The following GJB6 variants were observed in gnomAD, a reference collection of about 807,000 sequenced individuals.
GJB6 encodes the protein gap junction protein beta 6.
Under a neutral mutation model 5.4 loss-of-function variants are expected in GJB6, and 5 were observed. That is an observed-to-expected ratio of 0.92 (90% confidence interval 0.48 to 1.93). The LOEUF is 1.93. Among genes scored for constraint, GJB6 ranks in the 30% most tolerant of loss-of-function variants. GJB6 has a pLI of 0.01. For missense variants in GJB6, 298 were observed against 326.9 expected (o/e 0.91, Z 0.68); for synonymous variants, 136 against 129.6 (o/e 1.05, Z -0.34).
In GJB6 at chr13:20,223,279, AG is replaced by A. The variant is rs759353332; in HGVS notation, c.201del (p.Phe69SerfsTer13). The A allele has an allele frequency of 1.2e-6, 2 of 1,612,436 alleles. No homozygotes were observed. The highest frequency in any genetic ancestry group is 2.7e-5 in the African/African-American group (2 of 75,014). On this transcript the variant is annotated frameshift_variant, in exon 5 of 5. Coordinates refer to ENST00000647029, the MANE Select transcript of GJB6 (RefSeq NM_001110219.3). LOFTEE classifies it high-confidence loss of function. ...QPGCKNVCYD[H>X]FFPVSHIRLW... ...AGCCGGATGTGGGACACCGGGAAAA[AG>A]TGGTCATAGCACACATTTTTGCATC...
chr13:20,222,358 C>A lies in GJB6; in HGVS notation c.*337G>T, dbSNP rs7333214. On this transcript the variant is annotated 3_prime_UTR_variant, in exon 5 of 5. Transcript: ENST00000647029. ...TATAAAAATATCTTTTCCTAATAAA[C>A]GTATCAATTCCTGGATAAATGTTCC... The A allele has an allele frequency of 0.21, 49,182 of 229,700 alleles. 7,331 individuals are homozygous for A. The highest frequency in any genetic ancestry group is 0.47 in the African/African-American group (20,541 of 43,674). 14.2% of individuals were successfully genotyped at this position (229,700 alleles called of 1,614,324 possible).
rs765805775 is a variant in GJB6, at chr13:20,223,171, G to T, written c.310C>A (p.Arg104Ser). The T allele has an allele frequency of 6.2e-7, 1 of 1,613,340 alleles. No individual in the cohort carries two copies. The highest frequency in any genetic ancestry group is 8.5e-7 in the Non-Finnish European group (1 of 1,179,564). The change falls in exon 5 of 5, where the codon CGC becomes AGC. Residue 104 changes from arginine (R) to serine (S), a missense_variant. By Grantham distance (110) the Arg-to-Ser change is moderately radical (BLOSUM62 -1). Coordinates refer to ENST00000647029, the MANE Select transcript of GJB6 (RefSeq NM_001110219.3). Reference protein sequence around the residue: ...HVAYYRHETTRKFRRGEKRND... With the variant: ...HVAYYRHETTSKFRRGEKRND... ...CTCTTCTCTCCTCGCCTGAACTTGC[G>T]AGTGGTTTCGTGCCTGTAGTAGGCC...
chr13:20,227,942 G>C (rs1369520641), intron 4 of GJB6, among the ~76,000 whole-genome samples: 2 of 152,178 alleles, frequency 1.3e-5, no homozygotes, highest in African/African-American at 4.8e-5. Context: ...GGGTGGACAG[G>C]GTGGGTGGAC....
chr13:20,228,539 C>A (rs7338303), intron 4 of GJB6, among the ~76,000 whole-genome samples: 52,048 of 150,006 alleles, frequency 0.35, 10,290 homozygotes, highest in South Asian at 0.5. Flanking sequence ...GCTGGAGTAC[C>A]GTGGCACGAT....
chr13:20,223,749 A>T (rs532347833), intron 4 of GJB6, among the ~76,000 whole-genome samples: 1 of 152,168 alleles, frequency 6.6e-6, no homozygotes, highest in Non-Finnish European at 1.5e-5. Context: ...GCAGATCATG[A>T]GGTCAGGAGA....
intron 4 of GJB6, among the ~76,000 whole-genome samples, chr13:20,229,150 ATT>A (rs375096954): frequency 3.9e-4 from 24 of 62,176 alleles, no homozygotes; most frequent in Non-Finnish European, 5.5e-4. Context: ...AAAAAAAAAA[ATT>A]TTTTTTTTTT....
intron 4 of GJB6, among the ~76,000 whole-genome samples, chr13:20,228,719 C>T (rs553264496): frequency 1.9e-4 from 28 of 151,322 alleles, no homozygotes; most frequent in Admixed American, 4.6e-4. Context: ...CTCCTGACCT[C>T]ATGATCCGCC....
At position 20,222,708 on chromosome 13, in the gene GJB6, C is replaced by A; in HGVS notation, c.773G>T (p.Gly258Val). The A allele has an allele frequency of 1.9e-6, 3 of 1,614,022 alleles. No homozygotes were observed. In the South Asian group the frequency reaches 3.3e-5, roughly 18 times the overall value. Residue 258 changes from glycine (G) to valine (V), a missense_variant, in exon 5 of 5, where the codon GGT (glycine) becomes GTT (valine). Transcript: ENST00000647029. ...ISDSGQNAIT[G>V]FPS ...ACCTTGAAATGTTTAGCTTGGGAAA[C>A]CTGTGATTGCATTTTGACCACTATC...
At chr13:20,229,147 A>AAAAAAAAAAAT (rs1276147789) in intron 4 of GJB6, among the ~76,000 whole-genome samples, 1 of 89,196 alleles carries the variant, frequency 1.1e-5, no homozygotes, top group African/African-American at 5.9e-5. Context: ...AAAAAAAAAA[A>AAAAAAAAAAAT]AAATTTTTTT....
At chr13:20,229,063 G>A (rs957692765) in intron 4 of GJB6, among the ~76,000 whole-genome samples, 4 of 130,562 alleles carry the variant, frequency 3.1e-5, no homozygotes, top group Admixed American at 2.6e-4. Flanking sequence ...CCCAAAGTTA[G>A]AGTGTAACCC....
chr13:20,228,711 C>G lies in GJB6; in HGVS notation c.-16+869G>C, dbSNP rs530515835. ...GTGTTAGCCAGGATGGTCTCGATCT[C>G]CTGACCTCATGATCCGCCCCCCTTG... On this transcript the variant is annotated intron_variant, in intron 4 of 4. Transcript: ENST00000647029. 1.7e-3 allele frequency among the ~76,000 whole-genome samples: 252 copies of G among 150,980 alleles called. 5 individuals carry two copies. The highest frequency in any genetic ancestry group is 2.8e-3 in the Non-Finnish European group (189 of 67,628).
chr13:20,225,965 G>T (rs192862485), intron 4 of GJB6, among the ~76,000 whole-genome samples: 17 of 152,232 alleles, frequency 1.1e-4, no homozygotes, highest in Non-Finnish European at 1.9e-4. Context: ...ACAGCACAAG[G>T]TTGCGAAAAA....
At chr13:20,229,147 AAAATT>A (rs1280472830) in intron 4 of GJB6, among the ~76,000 whole-genome samples, 43 of 89,226 alleles carry the variant, frequency 4.8e-4, no homozygotes, top group Non-Finnish European at 6.8e-4. Flanking sequence ...AAAAAAAAAA[AAAATT>A]TTTTTTTTTT....
chr13:20,222,219 ATAC>A lies in GJB6; in HGVS notation c.*473_*475del, dbSNP rs1869218830. ...GACCCTTTGTAAGTTCCAAATTTAGATACTTGTGGTGTAATTCTAAAACTAACA... is the reference window on the plus strand; with the variant it reads ...GACCCTTTGTAAGTTCCAAATTTAGATTGTGGTGTAATTCTAAAACTAACA... On this transcript the variant is annotated 3_prime_UTR_variant, in exon 5 of 5. Transcript: ENST00000647029. 6.0e-6 allele frequency: 1 copy of A among 166,936 alleles called. No individual in the cohort carries two copies. Among genetic ancestry groups the A allele is most frequent in the Admixed American group, 5.7e-5 (1 of 17,594 alleles). 10.3% of individuals were successfully genotyped at this position (166,936 alleles called of 1,614,324 possible). A position where few individuals can be genotyped will look rare whatever the true frequency, so the allele number is the denominator to read the frequency against.
intron 4 of GJB6, among the ~76,000 whole-genome samples, chr13:20,228,441 T>C (rs750922510): frequency 3.0e-4 from 45 of 152,034 alleles, no homozygotes; most frequent in Non-Finnish European, 5.9e-4. Flanking sequence ...AGTGAAGAAC[T>C]CGATGCTGTT....
At chr13:20,228,163 C>A (rs1051500039) in intron 4 of GJB6, among the ~76,000 whole-genome samples, 4 of 152,204 alleles carry the variant, frequency 2.6e-5, no homozygotes, top group African/African-American at 9.7e-5. Context: ...TCCACTGGGA[C>A]CCTTTGCAAC....
intron 4 of GJB6, among the ~76,000 whole-genome samples, chr13:20,227,948 T>G (rs79379034): frequency 0.087 from 13,278 of 152,148 alleles, 740 homozygotes; most frequent in East Asian, 0.26. Flanking sequence ...ACAGGGTGGG[T>G]GGACAGACTG....
At chr13:20,224,092 C>T (rs1869415805) in intron 4 of GJB6, among the ~76,000 whole-genome samples, 2 of 152,158 alleles carry the variant, frequency 1.3e-5, no homozygotes, top group Non-Finnish European at 2.9e-5. Context: ...TCCAGGAACA[C>T]AGGTAAACAA....
chr13:20,225,927 A>C (rs1869545461), intron 4 of GJB6, among the ~76,000 whole-genome samples: 1 of 152,178 alleles, frequency 6.6e-6, no homozygotes, highest in Admixed American at 6.5e-5. Flanking sequence ...CTTAGGAGGA[A>C]CATCCTTATC....
Sources: allele counts gnomAD v4.1 joint callset (sites outside exome capture counted in the v4.1 genomes callset), GRCh38; gene constraint gnomAD v4.1.1; transcripts MANE v1.5; gene names NCBI Gene and HGNC (gene_info 2026-07-23, HGNC 2026-07-21).